Variants in WWOX observed in about 807,000 individuals in gnomAD.
The protein encoded by WWOX is WW domain-containing oxidoreductase.
A neutral mutation model predicts 46.2 loss-of-function variants in WWOX; 69 were observed. The ratio of observed to expected loss-of-function variants is 1.49; its 90% CI spans 1.23 to 1.82. The LOEUF is 1.82. WWOX is among the 40% of genes most tolerant of loss of function. WWOX has a pLI of 0.00. For missense variants in WWOX, 919 were observed against 542.6 expected (o/e 1.69, Z -6.89); for synonymous variants, 359 against 202.6 (o/e 1.77, Z -6.56).
At chr16:78,852,257 T>G (rs1247775321) in intron 8 of WWOX, among the ~76,000 whole-genome samples, 1 of 152,184 alleles carries the variant, frequency 6.6e-6, no homozygotes, top group African/African-American at 2.4e-5. Context: ...GCAGTATATT[T>G]CTCTTCTACT....
At chr16:78,280,025 A>T (rs1435555413) in intron 5 of WWOX, among the ~76,000 whole-genome samples, 3 of 152,264 alleles carry the variant, frequency 2.0e-5, no homozygotes, top group East Asian at 1.9e-4. Flanking sequence ...CATCAAAATC[A>T]CTCTGTTCTC....
intron 8 of WWOX, among the ~76,000 whole-genome samples, chr16:78,965,734 C>A (rs1003363787): frequency 6.6e-6 from 1 of 152,136 alleles, no homozygotes; most frequent in African/African-American, 2.4e-5. Context: ...GTGACTTGAT[C>A]CCATTTAAGC....
chr16:79,196,277 T>C (rs2051238329), intron 8 of WWOX: 1 of 152,216 alleles, frequency 6.6e-6, no homozygotes, highest in Non-Finnish European at 1.5e-5. Context: ...CATATACAAA[T>C]TACTTGTCAT....
intron 8 of WWOX, among the ~76,000 whole-genome samples, chr16:78,894,944 C>G (rs1485425271): frequency 1.3e-5 from 2 of 152,094 alleles, no homozygotes; most frequent in African/African-American, 2.4e-5. Context: ...TACGATAGTT[C>G]CAATGGATCC....
At chr16:79,141,125 A>G (rs944955907) in intron 8 of WWOX, among the ~76,000 whole-genome samples, 7 of 152,190 alleles carry the variant, frequency 4.6e-5, no homozygotes, top group Admixed American at 2.0e-4. Context: ...CCCTCTGTTC[A>G]CTGAGATAAA....
At chr16:78,321,325 T>TAC (rs780748805) in intron 5 of WWOX, among the ~76,000 whole-genome samples, 7 of 82,634 alleles carry the variant, frequency 8.5e-5, no homozygotes, top group Middle Eastern at 5.7e-3. Context: ...CGTATATATA[T>TAC]ACGTATATAT....
intron 5 of WWOX, among the ~76,000 whole-genome samples, chr16:78,315,539 G>T (rs1481000874): frequency 6.6e-6 from 1 of 152,082 alleles, no homozygotes; most frequent in Non-Finnish European, 1.5e-5. Flanking sequence ...AATCCCAGCT[G>T]CTCAGGAGGC....
At chr16:78,334,697 T>G (rs2151894878) in intron 5 of WWOX, among the ~76,000 whole-genome samples, 1 of 151,626 alleles carries the variant, frequency 6.6e-6, no homozygotes, top group African/African-American at 2.4e-5. Flanking sequence ...AGCCACATTG[T>G]TTTTAAATAG....
At chr16:79,118,527 A>C (rs965571946) in intron 8 of WWOX, among the ~76,000 whole-genome samples, 2 of 152,234 alleles carry the variant, frequency 1.3e-5, no homozygotes, top group Admixed American at 1.3e-4. Context: ...CTTAATGCAA[A>C]GTTGCCAGAA....
At chr16:79,026,406 C>T (rs899617499) in intron 8 of WWOX, among the ~76,000 whole-genome samples, 13 of 151,766 alleles carry the variant, frequency 8.6e-5, no homozygotes, top group Admixed American at 2.0e-4. Context: ...CCCCTGGCCA[C>T]GGTCACTTCC....
chr16:78,529,317 A>G (rs1392910923), intron 8 of WWOX, among the ~76,000 whole-genome samples: 2 of 152,130 alleles, frequency 1.3e-5, no homozygotes, highest in African/African-American at 2.4e-5. Context: ...TCTTTATCAA[A>G]TGCATTCTCA....
intron 8 of WWOX, among the ~76,000 whole-genome samples, chr16:78,497,898 G>A (rs963429311): frequency 6.6e-6 from 1 of 151,822 alleles, no homozygotes; most frequent in Non-Finnish European, 1.5e-5. Context: ...AGGGAATTTG[G>A]TATTTTTAAC....
At chr16:78,726,120 C>T (rs1597498956) in intron 8 of WWOX, among the ~76,000 whole-genome samples, 2 of 137,578 alleles carry the variant, frequency 1.5e-5, no homozygotes, top group African/African-American at 5.4e-5. Flanking sequence ...TCTCTGCCTC[C>T]CTCTCTCCCT....
intron 8 of WWOX, among the ~76,000 whole-genome samples, chr16:79,046,455 C>G (rs1423215048): frequency 6.6e-6 from 1 of 152,140 alleles, no homozygotes; most frequent in Non-Finnish European, 1.5e-5. Flanking sequence ...GTTCTGGAGA[C>G]TGGGAAGTCT....
At chr16:78,804,910 C>T (rs149304374) in intron 8 of WWOX, among the ~76,000 whole-genome samples, 12 of 152,320 alleles carry the variant, frequency 7.9e-5, no homozygotes, top group African/African-American at 2.2e-4. Flanking sequence ...TCTAAATTTC[C>T]TCCAAACTAA....
At chr16:78,277,726 C>T (rs1224969944) in intron 5 of WWOX, among the ~76,000 whole-genome samples, 2 of 152,096 alleles carry the variant, frequency 1.3e-5, no homozygotes, top group South Asian at 2.1e-4. Flanking sequence ...TTTGGCTTGG[C>T]TTGGGACTCG....
At chr16:79,126,890 A>C (rs974998020) in intron 8 of WWOX, among the ~76,000 whole-genome samples, 9 of 152,176 alleles carry the variant, frequency 5.9e-5, no homozygotes, top group African/African-American at 2.2e-4. Flanking sequence ...AGGTAAATAC[A>C]GCCTCTGTGT....
At chr16:78,109,360 A>G (rs2032352667) in intron 2 of WWOX, among the ~76,000 whole-genome samples, 1 of 152,112 alleles carries the variant, frequency 6.6e-6, no homozygotes, top group Non-Finnish European at 1.5e-5. Context: ...TAAGAGGTTT[A>G]GGATCCAGCT....
At chr16:78,897,709 A>T (rs1297225580) in intron 8 of WWOX, 1 of 152,150 alleles carries the variant, frequency 6.6e-6, no homozygotes, top group Non-Finnish European at 1.5e-5. Context: ...GTGTGAAATT[A>T]TTGACTCTTA....
Sources: gnomAD v4.1 joint callset for allele counts (sites outside exome capture counted in the v4.1 genomes callset) on GRCh38, gnomAD v4.1.1 for gene constraint, MANE v1.5 for transcripts, NCBI Gene and HGNC (gene_info 2026-07-23, HGNC 2026-07-21) for gene names.